The following PPP2R5C variants were observed in gnomAD, a reference collection of about 807,000 sequenced individuals.
The protein encoded by PPP2R5C is serine/threonine-protein phosphatase 2A 56 kDa regulatory subunit gamma isoform.
Under a neutral mutation model 68.9 loss-of-function variants are expected in PPP2R5C, and 7 were observed. That is an observed-to-expected ratio of 0.10 (90% CI 0.06 to 0.19). The LOEUF is 0.19. Ranked by LOEUF, PPP2R5C falls within the 10% of genes least tolerant of loss-of-function variation. The pLI is 1.00. For synonymous variants in PPP2R5C, 210 were observed against 222.2 expected (o/e 0.95, Z 0.49); for missense variants, 348 against 641.3 (o/e 0.54, Z 4.94).
At chr14:101,770,189 C>G (rs1019392594) in intron 2 of PPP2R5C, among the ~76,000 whole-genome samples, 7 of 152,094 alleles carry the variant, frequency 4.6e-5, no homozygotes, top group African/African-American at 1.7e-4. Flanking sequence ...ATCTTTTATG[C>G]TTTGTGTTTC....
In PPP2R5C at chr14:101,835,228, C is replaced by T. The variant is rs1242513239; in HGVS notation, c.95-21458C>T. On this transcript the variant is annotated intron_variant, in intron 1 of 13. Coordinates refer to ENST00000334743, the Ensembl canonical transcript of PPP2R5C. This position sits in a 1 kb window ranked among gnomAD's most constrained non-coding sequence, Gnocchi z 5.0. ...CATCCAAGGAAGCAAAGATGTGGTG[C>T]TGTCCTGTGGCTGGGGGAGCAGGAT... Among the ~76,000 whole-genome samples the T allele has an allele frequency of 6.6e-6, 1 of 152,124 alleles. No individual in the cohort carries two copies. Among genetic ancestry groups the T allele is most frequent in the Non-Finnish European group, 1.5e-5 (1 of 68,006 alleles).
intron 1 of PPP2R5C, among the ~76,000 whole-genome samples, chr14:101,833,807 AT>A (rs1257633143): frequency 6.6e-6 from 1 of 151,852 alleles, no homozygotes; most frequent in East Asian, 1.9e-4. Context: ...TTTTTTTGGC[AT>A]TTTTTGTTTT....
chr14:101,894,879 A>T (rs1449416423), intron 8 of PPP2R5C, among the ~76,000 whole-genome samples: 1 of 152,238 alleles, frequency 6.6e-6, no homozygotes, highest in Admixed American at 6.5e-5. Context: ...GTAGTTTCAC[A>T]TCTGCTTGGT....
Position 101,890,302 on chromosome 14 carries a change from C to T in PPP2R5C, c.689+6C>T, listed in dbSNP as rs1194224960. 6.2e-7 allele frequency: 1 copy of T among 1,612,650 alleles called. No individual in the cohort carries two copies. On this transcript the variant is annotated splice_donor_region_variant and intron_variant, in intron 6 of 13. Coordinates refer to ENST00000334743, the Ensembl canonical transcript of PPP2R5C. Reference sequence around the variant, plus strand: ...TTACTGGAAATATTGGGAAGGTAAGCCTCTGTTATGGGTAGCAAACGGCTG... The same window carrying T: ...TTACTGGAAATATTGGGAAGGTAAGTCTCTGTTATGGGTAGCAAACGGCTG...
chr14:101,872,404 A>T (rs754097537), intron 2 of PPP2R5C, among the ~76,000 whole-genome samples: 2 of 151,304 alleles, frequency 1.3e-5, no homozygotes, highest in Non-Finnish European at 2.9e-5. Flanking sequence ...TGTCCAGCTA[A>T]TTTTTTTACT....
At chr14:101,768,941 C>T (rs988880487) in intron 2 of PPP2R5C, among the ~76,000 whole-genome samples, 1 of 152,036 alleles carries the variant, frequency 6.6e-6, no homozygotes, top group Non-Finnish European at 1.5e-5. Context: ...TCTCCTGCCT[C>T]AGCCTCCCGA....
At chr14:101,832,944 G>A (rs551990427) in intron 1 of PPP2R5C, among the ~76,000 whole-genome samples, 1 of 152,236 alleles carries the variant, frequency 6.6e-6, no homozygotes, top group Non-Finnish European at 1.5e-5. Flanking sequence ...GAAAATGGGA[G>A]TGATAACAGT....
chr14:101,813,846 CT>C (rs777224737), intron 1 of PPP2R5C, among the ~76,000 whole-genome samples: 1 of 152,090 alleles, frequency 6.6e-6, no homozygotes, highest in Non-Finnish European at 1.5e-5. Context: ...CCCATTTTTT[CT>C]TGGGAAGTGG....
intron 3 of PPP2R5C, 134 bp downstream of exon 3, chr14:101,786,317 T>G: frequency 1.4e-6 from 1 of 736,522 alleles, no homozygotes; most frequent in Non-Finnish European, 2.0e-6. Flanking sequence ...TGAGGGGTTT[T>G]TTTTTTTTTA....
intron 1 of PPP2R5C, among the ~76,000 whole-genome samples, chr14:101,812,821 C>CAAGT (rs988746405): frequency 6.6e-6 from 1 of 152,162 alleles, no homozygotes; most frequent in African/African-American, 2.4e-5. Context: ...GGGTGGGGAC[C>CAAGT]AAGTAAGTAA....
Position 101,877,137 on chromosome 14 carries a change from T to A in PPP2R5C, c.295-5024T>A, listed in dbSNP as rs952391052. ...CTAAGTTTTGTATTTTTAGTGGAGA[T>A]GGGGTTTCACCATGTTGGCTAGGCT... On this transcript the variant is annotated intron_variant, in intron 2 of 13. Coordinates refer to ENST00000334743, the Ensembl canonical transcript of PPP2R5C. This position sits in a 1 kb window ranked among gnomAD's most constrained non-coding sequence, Gnocchi z 4.2. Among the ~76,000 whole-genome samples the A allele has an allele frequency of 2.6e-5, 4 of 151,880 alleles. No individual in the cohort carries two copies. The highest frequency in any genetic ancestry group is 9.7e-5 in the African/African-American group (4 of 41,342).
chr14:101,804,191 A>G (rs1305528589), intron 3 of PPP2R5C, among the ~76,000 whole-genome samples: 2 of 152,246 alleles, frequency 1.3e-5, no homozygotes, highest in Non-Finnish European at 2.9e-5. Flanking sequence ...CATACCAGTT[A>G]AAATGGCTTA....
At chr14:101,863,041 C>T (rs1379200644) in intron 2 of PPP2R5C, among the ~76,000 whole-genome samples, 2 of 152,094 alleles carry the variant, frequency 1.3e-5, no homozygotes, top group Non-Finnish European at 2.9e-5. Context: ...GGTGCAGTGG[C>T]TCATGCCTGT....
chr14:101,797,765 G>A lies in PPP2R5C; in HGVS notation c.259+11582G>A, dbSNP rs902140640. 1 of 156,672 alleles carries A rather than the reference G, an allele frequency of 6.4e-6. No individual in the cohort carries two copies. Among genetic ancestry groups the A allele is most frequent in the African/African-American group, 2.4e-5 (1 of 41,506 alleles). The allele number at this position is 156,672 out of a possible 1,614,324, so 9.7% of individuals were successfully genotyped here. ...TACGTTCTTAGAACAAGGAAGGAGTGTGAGTACTTGCTTTGGATTGAAAGG... is the reference window on the plus strand; with the variant it reads ...TACGTTCTTAGAACAAGGAAGGAGTATGAGTACTTGCTTTGGATTGAAAGG... On this transcript the variant is annotated intron_variant, in intron 3 of 14. Transcript: ENST00000328724. This position sits in a 1 kb window ranked among gnomAD's most constrained non-coding sequence, Gnocchi z 4.2.
exon 14 of PPP2R5C, chr14:101,927,860 CATT>C (rs993360592): frequency 7.2e-4 from 109 of 152,238 alleles, no homozygotes; most frequent in African/African-American, 2.6e-3. Flanking sequence ...TTTGTTTTGA[CATT>C]GTTTATGAAG....
At chr14:101,816,968 T>A (rs34734662) in intron 1 of PPP2R5C, among the ~76,000 whole-genome samples, 10,858 of 143,408 alleles carry the variant, frequency 0.076, 488 homozygotes, top group East Asian at 0.14. Flanking sequence ...ATATATATTT[T>A]TTTTTTTTGA....
At chr14:101,876,666 G>A (rs1256651909) in intron 2 of PPP2R5C, among the ~76,000 whole-genome samples, 1 of 152,226 alleles carries the variant, frequency 6.6e-6, no homozygotes, top group East Asian at 1.9e-4. Context: ...GAAAGTGGAA[G>A]TGTCAGGGAG....
intron 2 of PPP2R5C, among the ~76,000 whole-genome samples, chr14:101,782,744 C>G (rs1206403949): frequency 3.5e-4 from 1 of 2,888 alleles, no homozygotes; most frequent in African/African-American, 1.8e-3. Context: ...CTCTCTTTCT[C>G]CCCCCTTCCC....
intron 2 of PPP2R5C, among the ~76,000 whole-genome samples, chr14:101,769,619 G>A (rs1366061200): frequency 1.3e-5 from 2 of 152,160 alleles, no homozygotes; most frequent in African/African-American, 4.8e-5. Flanking sequence ...TACTAAAGCA[G>A]AAGATTATGG....
Sources: allele counts gnomAD v4.1 joint callset (sites outside exome capture counted in the v4.1 genomes callset), GRCh38; gene constraint gnomAD v4.1.1; non-coding constraint Gnocchi (gnomAD v3.1); transcripts MANE v1.5; gene names NCBI Gene and HGNC (gene_info 2026-07-23, HGNC 2026-07-21).